Variants in RASAL1 observed in about 807,000 individuals in gnomAD.
RASAL1 encodes the protein RAS protein activator like 1.
RASAL1 carries 72 observed loss-of-function variants against 96.6 expected under a neutral mutation model. The observed-to-expected ratio is 0.75, with a 90% CI of 0.62 to 0.91. RASAL1 has a LOEUF of 0.91. Among genes scored for constraint, RASAL1 ranks in the 40% least tolerant of loss-of-function variants. RASAL1 has a pLI of 0.00. For synonymous variants in RASAL1, 405 were observed against 430.4 expected (o/e 0.94, Z 0.73); for missense variants, 1,016 against 1,072.5 (o/e 0.95, Z 0.74).
Position 113,112,090 on chromosome 12 carries a change from T to A in RASAL1, c.1370A>T (p.His457Leu). The A allele has an allele frequency of 8.1e-7, 1 of 1,240,804 alleles. No homozygotes were observed. The highest frequency in any genetic ancestry group is 4.2e-5 in the Admixed American group (1 of 23,742). 76.9% of individuals were successfully genotyped at this position (1,240,804 alleles called of 1,614,324 possible). A position where few individuals can be genotyped will look rare whatever the true frequency, so the allele number is the denominator to read the frequency against. Residue 457 changes from histidine to leucine, a missense_variant, in exon 13 of 21, where the codon CAC (histidine) becomes CTC (leucine). Transcript: ENST00000548055. ...CAGCCTCCCATCCTGGCGCACCTGG[T>A]GCTCGGCCTGGGGGAAGCGCTCCTC... ...RVEERFPQAE[H>L]QDVKYLAISG...
intron 4 of RASAL1, among the ~76,000 whole-genome samples, chr12:113,126,211 G>T (rs1308942240): frequency 2.0e-5 from 3 of 151,838 alleles, no homozygotes; most frequent in African/African-American, 7.3e-5. Context: ...CTTGAGCCCG[G>T]GAGGCAAAGG....
Position 113,130,772 on chromosome 12 carries a change from C to G in RASAL1, c.122+113G>C. 1 of 843,218 alleles carries G rather than the reference C, an allele frequency of 1.2e-6. No individual in the cohort carries two copies. Among genetic ancestry groups the G allele is most frequent in the Non-Finnish European group, 1.8e-6 (1 of 547,670 alleles). 52.2% of individuals were successfully genotyped at this position (843,218 alleles called of 1,614,324 possible). A position where few individuals can be genotyped will look rare whatever the true frequency, so the allele number is the denominator to read the frequency against. On this transcript the variant is annotated intron_variant, in intron 2 of 20. Coordinates refer to ENST00000548055, the MANE Select transcript of RASAL1 (RefSeq NM_001301202.2). This position sits in a 1 kb window ranked among gnomAD's most constrained non-coding sequence, Gnocchi z 5.1. ...CACAAATCACCCACCTGCAGGCCCG[C>G]GAGTCCCCCTCAGGGTAAGCACTCC...
At chr12:113,102,865 T>C in intron 18 of RASAL1, 1 of 156,172 alleles carries the variant, frequency 6.4e-6, no homozygotes, top group South Asian at 1.7e-4. Flanking sequence ...ACACAGACCC[T>C]TTTCCATCCG....
In RASAL1 at chr12:113,130,616, CCAGGGAGGCCACTGTAGGAGG is replaced by C. The variant is rs1951667251; in HGVS notation, c.122+248_122+268del. Among the ~76,000 whole-genome samples, 1 of 152,200 alleles carries C rather than the reference CCAGGGAGGCCACTGTAGGAGG, an allele frequency of 6.6e-6. No homozygotes were observed. Among genetic ancestry groups the C allele is most frequent in the Non-Finnish European group, 1.5e-5 (1 of 68,030 alleles). ...CCAGCCAAGCGTGAGATGCCCGCCCCCAGGGAGGCCACTGTAGGAGGCACAGGCTGGCAGCGCTGAGTCAGC... is the reference window on the plus strand; with the variant it reads ...CCAGCCAAGCGTGAGATGCCCGCCCCCACAGGCTGGCAGCGCTGAGTCAGC... On this transcript the variant is annotated intron_variant, in intron 2 of 20. Transcript: ENST00000548055. This position sits in a 1 kb window ranked among gnomAD's most constrained non-coding sequence, Gnocchi z 5.1.
chr12:113,126,665 GAAT>G, intron 4 of RASAL1, among the ~76,000 whole-genome samples: 1 of 150,598 alleles, frequency 6.6e-6, no homozygotes, highest in African/African-American at 2.5e-5. Flanking sequence ...CTGGGTGACA[GAAT>G]GAGACACTGT....
rs1459078732 is a variant in RASAL1 at position 113,128,052 on chromosome 12, C to T, written c.236+13G>A. ...TCCCTAACCCACACATTCCACTTTC[C>T]CCAACCACAAACCCGACAGTGTCCT... On this transcript the variant is annotated intron_variant, in intron 3 of 20. Transcript: ENST00000548055. 1.9e-6 allele frequency: 3 copies of T among 1,612,746 alleles called. No homozygotes were observed. The African/African-American group carries it at 4.0e-5, about 22-fold the overall frequency.
At position 113,100,621 on chromosome 12, in the gene RASAL1, C is replaced by A. The variant is rs761835025; in HGVS notation, c.2278+7G>T. ...GCCTTTACCTTCTGAGGTACAGGAG[C>A]CCTTACCTGTGTCTGCCTCCAGAGT... On this transcript the variant is annotated splice_region_variant and intron_variant, in intron 20 of 20. Transcript: ENST00000548055. 5 of 1,606,572 alleles carry A rather than the reference C, an allele frequency of 3.1e-6. No homozygotes were observed. The South Asian group carries it at 5.5e-5, about 18-fold the overall frequency.
At position 113,100,073 on chromosome 12, in the gene RASAL1, G is replaced by C; in HGVS notation, c.2279-5C>G. 2 of 1,598,130 alleles carry C rather than the reference G, an allele frequency of 1.3e-6. No individual in the cohort carries two copies. The highest frequency in any genetic ancestry group is 1.3e-5 in the African/African-American group (1 of 74,760). ...CCAGGACCTCAGGACAGGCCCCTAG[G>C]AGGGAGACAAGAGGCCACAGGGGCT... is the stretch of plus-strand genomic sequence containing the variant. On this transcript the variant is annotated splice_region_variant and splice_polypyrimidine_tract_variant and intron_variant, in intron 20 of 20. Coordinates refer to ENST00000548055, the MANE Select transcript of RASAL1 (RefSeq NM_001301202.2).
chr12:113,105,936 G>T lies in RASAL1; in HGVS notation c.1658-50C>A, dbSNP rs144377548. The T allele has an allele frequency of 1.9e-4, 289 of 1,544,698 alleles. No individual in the cohort carries two copies. The African/African-American group carries it at 3.5e-3, about 19-fold the overall frequency. ...TGGACAGTGAGCCCTCCCTAACCAG[G>T]CTCACCTTGCTCCACTAGCATGCCC... On this transcript the variant is annotated intron_variant, in intron 15 of 20. Transcript: ENST00000548055.
In RASAL1 at chr12:113,130,885, C is replaced by G; in HGVS notation, c.122G>C (p.Arg41Thr). ...LVKVDDEVVA[R>T]TATVWRSLGP... ...TCTCCCCCGTGTCGCCACCCCTCAC[C>G]TGGCCACCACCTCGTCGTCCACTTT... The change falls in exon 2 of 21, where the codon AGG becomes ACG. Residue 41 changes from arginine to threonine, a missense_variant and splice_region_variant. Coordinates refer to ENST00000548055, the MANE Select transcript of RASAL1 (RefSeq NM_001301202.2). The surrounding 1 kb of genome is among the most constrained non-coding windows in gnomAD (Gnocchi z 5.1). The G allele has an allele frequency of 1.9e-6, 3 of 1,613,418 alleles. No individual in the cohort carries two copies. The highest frequency in any genetic ancestry group is 2.5e-6 in the Non-Finnish European group (3 of 1,179,662).
rs1951859803 is a variant in RASAL1, at chr12:113,135,025, C to T, written c.65+373G>A. 6.6e-6 allele frequency among the ~76,000 whole-genome samples: 1 copy of T among 152,010 alleles called. No individual in the cohort carries two copies. Among genetic ancestry groups the T allele is most frequent in the African/African-American group, 2.4e-5 (1 of 41,386 alleles). The stretch of plus-strand genomic sequence containing the variant: ...AGGCCCCCACCCACGCCTGGAGGAG[C>T]CACCTCCAACATCTGCCTGGACTAA... On this transcript the variant is annotated intron_variant, in intron 1 of 20. Coordinates refer to ENST00000548055, the MANE Select transcript of RASAL1 (RefSeq NM_001301202.2). This position sits in a 1 kb window ranked among gnomAD's most constrained non-coding sequence, Gnocchi z 5.7.
At chr12:113,103,292 TAATAACAATG>T (rs956666262) in intron 18 of RASAL1, among the ~76,000 whole-genome samples, 30 of 151,308 alleles carry the variant, frequency 2.0e-4, no homozygotes, top group Non-Finnish European at 2.9e-4. Flanking sequence ...TATACATTGT[TAATAACAATG>T]TATAACATTG....
At chr12:113,113,713 T>C (rs1352012966) in intron 12 of RASAL1, among the ~76,000 whole-genome samples, 3 of 152,210 alleles carry the variant, frequency 2.0e-5, no homozygotes, top group African/African-American at 4.8e-5. Context: ...CTCTCCTGTC[T>C]CTGCCACGGT....
rs1392007534 is a variant in RASAL1, at chr12:113,115,784, T to C, written c.854A>G (p.Asp285Gly). The part of the protein sequence containing the change: ...MESVQGPAEE[D>G]TASPLALLEE... ...CAGCAAAGCCAAGGGGCTAGCAGTG[T>C]CCTCCTGGGTGGGGGCGGGAGACAA... is the stretch of plus-strand genomic sequence containing the variant. Residue 285 changes from aspartate (D) to glycine (G), a missense_variant, in exon 10 of 21, where the codon GAC (aspartate) becomes GGC (glycine). Physicochemically the swap from Asp to Gly is moderately conservative, Grantham distance 94. Coordinates refer to ENST00000548055, the MANE Select transcript of RASAL1 (RefSeq NM_001301202.2). The surrounding 1 kb of genome is among the most constrained non-coding windows in gnomAD (Gnocchi z 4.1). The C allele has an allele frequency of 3.5e-5, 56 of 1,613,708 alleles. No individual in the cohort carries two copies. The highest frequency in any genetic ancestry group is 4.7e-5 in the Non-Finnish European group (56 of 1,179,920).
chr12:113,110,184 C>T (rs965475439), intron 13 of RASAL1, among the ~76,000 whole-genome samples: 1 of 152,194 alleles, frequency 6.6e-6, no homozygotes, highest in Admixed American at 6.5e-5. Context: ...AGTCTCAAGG[C>T]CCAGAGCTTA....
At chr12:113,121,778 G>T in intron 4 of RASAL1, 140 bp from the exon 5 acceptor site, 2 of 1,017,602 alleles carry the variant, frequency 2.0e-6, no homozygotes, top group Non-Finnish European at 1.4e-6. Flanking sequence ...CTGGAGTGCA[G>T]TGGCACAATT....
Position 113,129,813 on chromosome 12 carries a change from C to A in RASAL1, c.122+1072G>T, listed in dbSNP as rs1248983607. On this transcript the variant is annotated intron_variant, in intron 2 of 20. Transcript: ENST00000548055. This position sits in a 1 kb window ranked among gnomAD's most constrained non-coding sequence, Gnocchi z 5.0. ...AGTGCTTCCTCCCAAATACCCTCTT[C>A]CCCCAACCTGACCTTTTCCCAGCCA... Among the ~76,000 whole-genome samples, 2 of 152,234 alleles carry A rather than the reference C, an allele frequency of 1.3e-5. No individual in the cohort carries two copies. Among genetic ancestry groups the A allele is most frequent in the African/African-American group, 2.4e-5 (1 of 41,462 alleles).
At chr12:113,122,723 A>G (rs918650129) in intron 4 of RASAL1, among the ~76,000 whole-genome samples, 3 of 152,218 alleles carry the variant, frequency 2.0e-5, no homozygotes, top group Admixed American at 2.0e-4. Flanking sequence ...TGCTGAGTAG[A>G]GATTGCACTG....
chr12:113,101,645 G>C (rs1354341765), intron 19 of RASAL1, among the ~76,000 whole-genome samples: 1 of 152,178 alleles, frequency 6.6e-6, no homozygotes, highest in Admixed American at 6.5e-5. Context: ...AATTGTGCCA[G>C]GGTCTCTGGA....
Sources: allele counts gnomAD v4.1 joint callset (sites outside exome capture counted in the v4.1 genomes callset), GRCh38; gene constraint gnomAD v4.1.1; non-coding constraint Gnocchi (gnomAD v3.1); transcripts MANE v1.5; gene names NCBI Gene and HGNC (gene_info 2026-07-23, HGNC 2026-07-21).